LRP1B: variants seen among roughly 807,000 people sequenced by gnomAD.
LRP1B encodes the protein LDL receptor related protein 1B.
LRP1B carries 217 observed loss-of-function variants against 556.6 expected under a neutral mutation model. That is an observed-to-expected ratio of 0.39 (90% CI 0.35 to 0.44). The LOEUF (loss-of-function observed/expected upper bound fraction) is 0.44, where lower values mean the gene tolerates loss of function less well. LRP1B is among the 20% of genes least tolerant of loss of function. The pLI is 1.00. For synonymous variants in LRP1B, 2,047 were observed against 1,865.8 expected, an observed-to-expected ratio of 1.10 and a Z score of -2.50; for missense variants, 5,053 against 5,620.8, an observed-to-expected ratio of 0.90 and a Z score of 3.23.
chr2:140,377,057 G>A (rs1165391106), intron 68 of LRP1B, among the ~76,000 whole-genome samples: 1 of 152,034 alleles, frequency 6.6e-6, no homozygotes, highest in African/African-American at 2.4e-5. Context: ...AGGAGCCATG[G>A]TATACACTGA....
chr2:140,789,618 C>CTTTTTTTTTTTTTTTT (rs756120273), intron 32 of LRP1B, among the ~76,000 whole-genome samples: 1 of 71,766 alleles, frequency 1.4e-5, no homozygotes, highest in Non-Finnish European at 2.6e-5. Context: ...GCTTTAAGGA[C>CTTTTTTTTTTTTTTTT]TTTTTTTTTT....
intron 1 of LRP1B, among the ~76,000 whole-genome samples, chr2:141,940,294 TAA>T (rs1202377780): frequency 4.6e-5 from 7 of 152,274 alleles, no homozygotes; most frequent in African/African-American, 1.4e-4. Flanking sequence ...TATATATGAT[TAA>T]GAGTTAATAT....
intron 2 of LRP1B, among the ~76,000 whole-genome samples, chr2:141,581,615 A>C (rs72978012): frequency 0.028 from 4,253 of 152,288 alleles, 212 homozygotes; most frequent in African/African-American, 0.094. Flanking sequence ...CCATGAAAAA[A>C]ATTGGGTCTG....
At chr2:140,351,861 A>G (rs1681976999) in intron 76 of LRP1B, among the ~76,000 whole-genome samples, 1 of 152,080 alleles carries the variant, frequency 6.6e-6, no homozygotes, top group Non-Finnish European at 1.5e-5. Flanking sequence ...TAAGCCTTTC[A>G]CAGTTTATCT....
intron 82 of LRP1B, among the ~76,000 whole-genome samples, chr2:140,317,709 C>A (rs1039864653): frequency 6.6e-6 from 1 of 152,082 alleles, no homozygotes; most frequent in African/African-American, 2.4e-5. Context: ...TGAAGATAAG[C>A]ACTTAAGGCA....
intron 1 of LRP1B, among the ~76,000 whole-genome samples, chr2:141,952,301 G>T (rs546147522): frequency 1.3e-5 from 2 of 151,796 alleles, no homozygotes; most frequent in Non-Finnish European, 2.9e-5. Flanking sequence ...GAATAGTGCC[G>T]CAATAAACAT....
chr2:141,973,263 C>A (rs924934443), intron 1 of LRP1B, among the ~76,000 whole-genome samples: 2 of 151,524 alleles, frequency 1.3e-5, no homozygotes, highest in Non-Finnish European at 3.0e-5. Flanking sequence ...TGATTAAAAT[C>A]AACATCATGG....
intron 43 of LRP1B, among the ~76,000 whole-genome samples, chr2:140,577,421 A>ATTT (rs35836885): frequency 1.4e-5 from 2 of 144,598 alleles, no homozygotes; most frequent in Non-Finnish European, 3.0e-5. Flanking sequence ...CCACTACTGA[A>ATTT]TTTTTTTTTT....
intron 7 of LRP1B, among the ~76,000 whole-genome samples, chr2:141,129,535 G>A (rs933486459): frequency 1.3e-5 from 2 of 151,048 alleles, no homozygotes; most frequent in Non-Finnish European, 2.9e-5. Flanking sequence ...GATAAAAGCT[G>A]GCTACCATCA....
At chr2:141,640,653 G>T (rs916125972) in intron 2 of LRP1B, among the ~76,000 whole-genome samples, 4 of 152,116 alleles carry the variant, frequency 2.6e-5, no homozygotes, top group African/African-American at 7.2e-5. Context: ...AAGTAGCCGG[G>T]CATGATGGCA....
intron 35 of LRP1B, among the ~76,000 whole-genome samples, chr2:140,754,526 T>C (rs926251723): frequency 3.9e-5 from 6 of 152,106 alleles, no homozygotes; most frequent in Non-Finnish European, 7.4e-5. Flanking sequence ...CAACAAAGCA[T>C]GGAAATTCAT....
In LRP1B at chr2:140,576,456, T is replaced by TA. The variant is rs372562998; in HGVS notation, c.7194+22174dup. Among the ~76,000 whole-genome samples, 17 of 152,322 alleles carry TA rather than the reference T, an allele frequency of 1.1e-4. No individual in the cohort carries two copies. The East Asian group carries it at 3.3e-3, about 29-fold the overall frequency. ...GAAGTGTTTTATTTCAGAACGTAGT[T>TA]ACTCAGACTTGGTTGTGTATGGATT... On this transcript the variant is annotated intron_variant, in intron 43 of 90. Transcript: ENST00000389484.
intron 3 of LRP1B, among the ~76,000 whole-genome samples, chr2:141,371,780 G>A (rs1689238635): frequency 6.6e-6 from 1 of 151,822 alleles, no homozygotes; most frequent in African/African-American, 2.4e-5. Context: ...GAGTCTTTAG[G>A]TTTTTCTAGA....
intron 32 of LRP1B, among the ~76,000 whole-genome samples, chr2:140,790,940 A>AT (rs201743296): frequency 0.043 from 6,160 of 143,236 alleles, 190 homozygotes; most frequent in Admixed American, 0.099. Context: ...GTCTCTACAA[A>AT]TTTTTTTTTT....
intron 20 of LRP1B, among the ~76,000 whole-genome samples, chr2:140,929,035 G>C (rs935995859): frequency 6.6e-6 from 1 of 151,994 alleles, no homozygotes; most frequent in Non-Finnish European, 1.5e-5. Flanking sequence ...GAGAAGTGAC[G>C]GTGATATAAT....
intron 3 of LRP1B, among the ~76,000 whole-genome samples, chr2:141,362,824 A>C (rs1688879700): frequency 2.0e-5 from 3 of 152,248 alleles, no homozygotes; most frequent in Admixed American, 2.0e-4. Flanking sequence ...AATTAAAAAA[A>C]AAAAAAAAAC....
intron 29 of LRP1B, among the ~76,000 whole-genome samples, chr2:140,842,413 A>G (rs1692138200): frequency 6.6e-6 from 1 of 152,196 alleles, no homozygotes; most frequent in African/African-American, 2.4e-5. Flanking sequence ...TTTCTAAGTA[A>G]CTAATAATCA....
intron 41 of LRP1B, among the ~76,000 whole-genome samples, chr2:140,678,557 A>G (rs1685751114): frequency 6.6e-6 from 1 of 152,192 alleles, no homozygotes; most frequent in Non-Finnish European, 1.5e-5. Flanking sequence ...TCTACATATA[A>G]CTTAATACCA....
At chr2:142,047,713 C>T (rs954862199) in intron 1 of LRP1B, among the ~76,000 whole-genome samples, 1 of 151,646 alleles carries the variant, frequency 6.6e-6, no homozygotes, top group African/African-American at 2.4e-5. Context: ...TGTGAGTGGA[C>T]GTGATGCATA....
Sources: allele counts gnomAD v4.1 joint callset (sites outside exome capture counted in the v4.1 genomes callset), GRCh38; gene constraint gnomAD v4.1.1; transcripts MANE v1.5; gene names NCBI Gene and HGNC (gene_info 2026-07-23, HGNC 2026-07-21).